Variants in FOXP1 observed in about 807,000 individuals in gnomAD.
The protein encoded by FOXP1 is forkhead box protein P1.
In FOXP1, 15 loss-of-function variants were observed where a neutral mutation model predicts 98.2. That is an observed-to-expected ratio of 0.15 (90% CI 0.10 to 0.24). The LOEUF (loss-of-function observed/expected upper bound fraction) is 0.24. Among genes scored for constraint, FOXP1 ranks in the 10% least tolerant of loss-of-function variants. FOXP1 has a pLI of 1.00. For synonymous variants in FOXP1, 371 were observed against 314.5 expected (o/e 1.18, Z -1.90); for missense variants, 633 against 848.5 (o/e 0.75, Z 3.15).
chr3:71,430,188 T>C (rs2084570274), intron 3 of FOXP1, among the ~76,000 whole-genome samples: 2 of 152,104 alleles, frequency 1.3e-5, no homozygotes, highest in African/African-American at 4.8e-5. Context: ...AGCCAGCCCA[T>C]ACCACGGAAA....
chr3:71,237,674 C>G (rs2066915628), intron 5 of FOXP1, among the ~76,000 whole-genome samples: 1 of 152,238 alleles, frequency 6.6e-6, no homozygotes. Context: ...ACTGCTTTCT[C>G]TACATGTGGC....
intron 3 of FOXP1, among the ~76,000 whole-genome samples, chr3:71,416,825 T>C (rs571808632): frequency 6.6e-6 from 1 of 152,050 alleles, no homozygotes; most frequent in South Asian, 2.1e-4. Flanking sequence ...GGTGGCCGCA[T>C]AGAAGGAGAA....
chr3:71,302,396 A>G (rs1461965865), intron 4 of FOXP1, among the ~76,000 whole-genome samples: 1 of 151,674 alleles, frequency 6.6e-6, no homozygotes, highest in East Asian at 1.9e-4. Context: ...CCAATACTAT[A>G]TTTGCTATTT....
At chr3:71,238,676 T>G (rs910041841) in intron 5 of FOXP1, among the ~76,000 whole-genome samples, 2 of 152,226 alleles carry the variant, frequency 1.3e-5, no homozygotes, top group Non-Finnish European at 2.9e-5. Flanking sequence ...ACAACAGTTC[T>G]AGACCACAGC....
At chr3:71,189,007 A>G (rs137993458) in intron 6 of FOXP1, among the ~76,000 whole-genome samples, 87 of 152,320 alleles carry the variant, frequency 5.7e-4, no homozygotes, top group African/African-American at 1.9e-3. Context: ...TGGAAGGACT[A>G]AAGAGAAAAA....
chr3:71,210,209 T>A (rs994587902), intron 5 of FOXP1, among the ~76,000 whole-genome samples: 2 of 152,230 alleles, frequency 1.3e-5, no homozygotes, highest in Non-Finnish European at 2.9e-5. Context: ...CCACTGTGAA[T>A]AAACTCCTCA....
chr3:71,476,309 T>TG lies in FOXP1; in HGVS notation c.-168+17116_-168+17117insC, dbSNP rs1491564101. ...TAAATTCATCAAGTTCTTTTTTTTT[T>TG]TTTTGTTTTGTTTTTGAGCAATGGT... On this transcript the variant is annotated intron_variant, in intron 3 of 20. Coordinates refer to ENST00000649528, the MANE Select transcript of FOXP1 (RefSeq NM_001349338.3). Among the ~76,000 whole-genome samples the TG allele has an allele frequency of 4.2e-4, 64 of 151,732 alleles. No homozygotes were observed. In the South Asian group the frequency reaches 0.011, roughly 25 times the overall value.
At chr3:71,416,501 C>T (rs988827142) in intron 3 of FOXP1, among the ~76,000 whole-genome samples, 4 of 151,266 alleles carry the variant, frequency 2.6e-5, no homozygotes. Flanking sequence ...GCTATGATTA[C>T]ACTACTGCAC....
chr3:71,163,806 G>A (rs561998910), intron 6 of FOXP1, among the ~76,000 whole-genome samples: 30 of 152,090 alleles, frequency 2.0e-4, no homozygotes, highest in Non-Finnish European at 3.1e-4. Context: ...ACAGTTTCAA[G>A]CAGTCCCACA....
intron 11 of FOXP1, among the ~76,000 whole-genome samples, chr3:71,029,021 C>T (rs116121380): frequency 0.02 from 3,081 of 152,288 alleles, 85 homozygotes; most frequent in African/African-American, 0.062. Flanking sequence ...CACTCACTCA[C>T]GTGCCTCACC....
intron 6 of FOXP1, among the ~76,000 whole-genome samples, chr3:71,118,967 CT>C (rs2058569174): frequency 6.6e-6 from 1 of 152,152 alleles, no homozygotes; most frequent in Non-Finnish European, 1.5e-5. Flanking sequence ...CTAGAAAAGT[CT>C]GTCAATCCCC....
At chr3:71,335,007 C>T (rs1195556415) in intron 4 of FOXP1, 1 of 152,172 alleles carries the variant, frequency 6.6e-6, no homozygotes, top group Admixed American at 6.5e-5. Flanking sequence ...CACTTGTAAT[C>T]CTAGCACTTT....
At chr3:71,331,034 C>T (rs377386860) in intron 4 of FOXP1, among the ~76,000 whole-genome samples, 10 of 152,374 alleles carry the variant, frequency 6.6e-5, no homozygotes, top group East Asian at 3.9e-4. Flanking sequence ...ACTCTGGCCG[C>T]GCTTGAGGGG....
chr3:71,498,029 T>C (rs879905447), intron 2 of FOXP1, among the ~76,000 whole-genome samples: 3 of 152,342 alleles, frequency 2.0e-5, no homozygotes, highest in Non-Finnish European at 2.9e-5. Flanking sequence ...TCAATTTACA[T>C]ATTTAAAAAT....
At chr3:71,159,144 A>AAATT (rs936531277) in intron 6 of FOXP1, among the ~76,000 whole-genome samples, 17 of 147,998 alleles carry the variant, frequency 1.1e-4, no homozygotes, top group Non-Finnish European at 2.5e-4. Flanking sequence ...AAGTACTTCA[A>AAATT]AATTAAAAGA....
intron 2 of FOXP1, among the ~76,000 whole-genome samples, chr3:71,548,002 G>A (rs536279502): frequency 2.4e-4 from 36 of 152,306 alleles, no homozygotes; most frequent in Non-Finnish European, 3.7e-4. Context: ...AGAGGACAAA[G>A]GGCTTTGGAA....
chr3:71,307,206 G>A (rs558890780), intron 4 of FOXP1, among the ~76,000 whole-genome samples: 9 of 152,218 alleles, frequency 5.9e-5, no homozygotes, highest in African/African-American at 1.9e-4. Flanking sequence ...TACTGTATTT[G>A]GACTAAAAAG....
intron 6 of FOXP1, among the ~76,000 whole-genome samples, chr3:71,147,010 C>T (rs1321619621): frequency 6.6e-6 from 1 of 152,202 alleles, no homozygotes; most frequent in Non-Finnish European, 1.5e-5. Context: ...CACAAAGCCC[C>T]TCGTGCTCCA....
intron 7 of FOXP1, among the ~76,000 whole-genome samples, chr3:71,079,384 C>A (rs1380846822): frequency 6.6e-6 from 1 of 152,130 alleles, no homozygotes; most frequent in Non-Finnish European, 1.5e-5. Context: ...TGCATTCATG[C>A]CCATTAACGA....
Sources: gnomAD v4.1 joint callset for allele counts (sites outside exome capture counted in the v4.1 genomes callset) on GRCh38, gnomAD v4.1.1 for gene constraint, MANE v1.5 for transcripts, NCBI Gene and HGNC (gene_info 2026-07-23, HGNC 2026-07-21) for gene names.